The following PPP2R2C variants were observed in gnomAD, a reference collection of about 807,000 sequenced individuals.
The protein encoded by PPP2R2C is protein phosphatase 2 regulatory subunit Bgamma.
PPP2R2C carries 10 observed loss-of-function variants against 45.3 expected under a neutral mutation model. That is an observed-to-expected ratio of 0.22 (90% CI 0.14 to 0.37). The LOEUF (loss-of-function observed/expected upper bound fraction) is 0.37. Among genes scored for constraint, PPP2R2C ranks in the 10% least tolerant of loss-of-function variants. PPP2R2C has a pLI of 1.00. For synonymous variants in PPP2R2C, 257 were observed against 245.4 expected, an observed-to-expected ratio of 1.05 and a Z score of -0.44; for missense variants, 308 against 619.7, an observed-to-expected ratio of 0.50 and a Z score of 5.34.
intron 1 of PPP2R2C, among the ~76,000 whole-genome samples, chr4:6,557,055 G>C (rs956406563): frequency 1.3e-5 from 2 of 152,144 alleles, no homozygotes; most frequent in Admixed American, 6.5e-5. Flanking sequence ...AAGGAACAAG[G>C]GGTACAAGCC....
chr4:6,548,000 T>C (rs1389247400), intron 1 of PPP2R2C, among the ~76,000 whole-genome samples: 2 of 152,062 alleles, frequency 1.3e-5, no homozygotes, highest in African/African-American at 4.8e-5. Context: ...GGCAGATCAC[T>C]TGAGGTCAGG....
intron 2 of PPP2R2C, among the ~76,000 whole-genome samples, chr4:6,533,777 T>C (rs555503689): frequency 9.9e-5 from 15 of 152,174 alleles, no homozygotes; most frequent in African/African-American, 2.2e-4. Context: ...ACACAGGAAA[T>C]TGGTTCAATA....
chr4:6,497,482 A>G (rs1722917113), intron 2 of PPP2R2C, among the ~76,000 whole-genome samples: 1 of 152,296 alleles, frequency 6.6e-6, no homozygotes, highest in Admixed American at 6.5e-5. Flanking sequence ...AAGAAAAAAA[A>G]ATTAAAATCC....
chr4:6,455,073 A>G (rs1720947618), intron 1 of PPP2R2C, among the ~76,000 whole-genome samples: 1 of 152,184 alleles, frequency 6.6e-6, no homozygotes, highest in Admixed American at 6.5e-5. Flanking sequence ...GCTGAAATCA[A>G]TCCTTTGTTG....
At chr4:6,356,014 AAAG>A (rs1393648868) in intron 5 of PPP2R2C, among the ~76,000 whole-genome samples, 1 of 147,504 alleles carries the variant, frequency 6.8e-6, no homozygotes, top group African/African-American at 2.6e-5. Context: ...AAAAAAAAAA[AAAG>A]AGCACTGTGG....
rs928913393 is a variant in PPP2R2C, at chr4:6,559,222, G to A, written c.-59+4338C>T. Among the ~76,000 whole-genome samples the A allele has an allele frequency of 4.6e-5, 7 of 152,316 alleles. No homozygotes were observed. The East Asian group carries it at 9.7e-4, about 21-fold the overall frequency. On this transcript the variant is annotated intron_variant, in intron 1 of 9. Transcript: ENST00000506140. The stretch of plus-strand genomic sequence containing the variant: ...ATCTCTCACTGCTAAGCAGCCTGGA[G>A]CACATCACTGGCACCTCAGTGTGCT...
intron 1 of PPP2R2C, among the ~76,000 whole-genome samples, chr4:6,537,558 T>G (rs1024390428): frequency 3.3e-5 from 5 of 151,660 alleles, no homozygotes; most frequent in East Asian, 1.9e-4. Flanking sequence ...TTTGTTTTTT[T>G]TTTTTTTTTG....
chr4:6,343,812 GA>G (rs1711564532), intron 6 of PPP2R2C, among the ~76,000 whole-genome samples: 1 of 152,314 alleles, frequency 6.6e-6, no homozygotes, highest in South Asian at 2.1e-4. Context: ...AACTGCTCCA[GA>G]AAAAGAAAGA....
intron 5 of PPP2R2C, among the ~76,000 whole-genome samples, chr4:6,354,413 T>C (rs534956109): frequency 5.3e-5 from 8 of 152,208 alleles, no homozygotes; most frequent in South Asian, 4.2e-4. Context: ...CTCAGGACCA[T>C]TGTGCTGTGT....
chr4:6,385,210 G>C (rs1013561368), intron 1 of PPP2R2C, among the ~76,000 whole-genome samples: 3 of 152,090 alleles, frequency 2.0e-5, no homozygotes, highest in African/African-American at 7.2e-5. Flanking sequence ...CCCGCCAGTC[G>C]CTCCCTGCAA....
chr4:6,341,353 A>C (rs1183085880), intron 6 of PPP2R2C, among the ~76,000 whole-genome samples: 1 of 151,698 alleles, frequency 6.6e-6, no homozygotes, highest in Non-Finnish European at 1.5e-5. Flanking sequence ...AAAAAAAAAA[A>C]AAAAACCCAG....
intron 6 of PPP2R2C, among the ~76,000 whole-genome samples, chr4:6,341,436 T>G (rs1339945961): frequency 1.3e-5 from 2 of 152,026 alleles, no homozygotes; most frequent in East Asian, 3.9e-4. Context: ...GAGTGCAGGT[T>G]GAAGGCATGA....
At chr4:6,508,346 G>T (rs1235753756) in intron 2 of PPP2R2C, among the ~76,000 whole-genome samples, 5 of 152,158 alleles carry the variant, frequency 3.3e-5, no homozygotes, top group African/African-American at 1.2e-4. Flanking sequence ...CAGCACTTTG[G>T]GAGGCCGAGG....
Position 6,551,038 on chromosome 4 carries a change from T to G in PPP2R2C, c.-59+12522A>C, listed in dbSNP as rs78747207. On this transcript the variant is annotated intron_variant, in intron 1 of 9. Coordinates refer to the PPP2R2C transcript ENST00000506140. ...TCCTCGCCTCCGGGGCCATGGAGCC[T>G]GGTGGTTATGCACAAGCCTCTCCAG... Among the ~76,000 whole-genome samples the G allele has an allele frequency of 7.0e-3, 1,073 of 152,306 alleles. 6 individuals are homozygous for G. Among genetic ancestry groups the G allele is most frequent in the African/African-American group, 0.024 (1,013 of 41,568 alleles).
intron 2 of PPP2R2C, among the ~76,000 whole-genome samples, chr4:6,490,114 C>T (rs1722650926): frequency 6.6e-6 from 1 of 152,208 alleles, no homozygotes; most frequent in Non-Finnish European, 1.5e-5. Flanking sequence ...GTCCCTCCCA[C>T]CAGCTGGTTC....
chr4:6,479,706 T>A (rs1722283767), intron 2 of PPP2R2C, among the ~76,000 whole-genome samples: 1 of 152,066 alleles, frequency 6.6e-6, no homozygotes, highest in Non-Finnish European at 1.5e-5. Context: ...AACGTAGAGT[T>A]TTGTTTTTAC....
In PPP2R2C at chr4:6,349,258, G is replaced by C. The variant is rs549862569; in HGVS notation, c.626-1248C>G. 9.5e-5 allele frequency: 94 copies of C among 985,434 alleles called. No individual in the cohort carries two copies. The South Asian group carries it at 2.8e-3, about 30-fold the overall frequency. The allele number at this position is 985,434 out of a possible 1,614,324, so 61.0% of individuals were successfully genotyped here. A position where few individuals can be genotyped will look rare whatever the true frequency, so the allele number is the denominator to read the frequency against. On this transcript the variant is annotated intron_variant, in intron 5 of 8. Coordinates refer to ENST00000382599, the MANE Select transcript of PPP2R2C (RefSeq NM_020416.4). ...TCCCTCTGACTCTTCAGGTGCATGT[G>C]AGCCCTGGAGTTGGAAGGTCTGGGG...
chr4:6,546,545 G>C (rs1724992381), intron 1 of PPP2R2C, among the ~76,000 whole-genome samples: 1 of 152,214 alleles, frequency 6.6e-6, no homozygotes, highest in African/African-American at 2.4e-5. Context: ...GTGAGTGGTA[G>C]ATTCTGACAA....
chr4:6,544,681 C>A (rs934678064), intron 1 of PPP2R2C, among the ~76,000 whole-genome samples: 4 of 152,202 alleles, frequency 2.6e-5, no homozygotes, highest in African/African-American at 9.6e-5. Flanking sequence ...CACAAAGTGT[C>A]CCCCTGTGCT....
Sources: gnomAD v4.1 joint callset for allele counts (sites outside exome capture counted in the v4.1 genomes callset) on GRCh38, gnomAD v4.1.1 for gene constraint, MANE v1.5 for transcripts, NCBI Gene and HGNC (gene_info 2026-07-23, HGNC 2026-07-21) for gene names.